Variants in KLRG1 observed in about 807,000 individuals in gnomAD.
KLRG1 encodes killer cell lectin like receptor G1.
A neutral mutation model predicts 21.8 loss-of-function variants in KLRG1; 16 were observed. The ratio of observed to expected loss-of-function variants is 0.73; its 90% CI spans 0.50 to 1.11. The LOEUF is 1.11. Ranked by LOEUF, KLRG1 falls within the 50% of genes most tolerant of loss-of-function variation. The pLI is 0.00. For missense variants in KLRG1, 173 were observed against 218.3 expected (o/e 0.79, Z 1.31); for synonymous variants, 69 against 75.9 (o/e 0.91, Z 0.47).
chr12:9,027,980 C>G, the KLRG1 span: 1 of 1,028,620 alleles, frequency 9.7e-7, no homozygotes, highest in South Asian at 1.3e-5. Flanking sequence ...TGTGGTCATT[C>G]ACAGTATGGT....
chr12:9,050,945 T>C, the KLRG1 span, among the ~76,000 whole-genome samples: 4 of 152,116 alleles, frequency 2.6e-5, no homozygotes, highest in Non-Finnish European at 5.9e-5. Context: ...GAGCCATGAA[T>C]GGTGGCAGGA....
At chr12:9,199,198 T>C in the KLRG1 span, among the ~76,000 whole-genome samples, 3 of 152,218 alleles carry the variant, frequency 2.0e-5, no homozygotes, top group Non-Finnish European at 4.4e-5. Flanking sequence ...TTCATAATCA[T>C]GACATCAGTC....
the KLRG1 span, among the ~76,000 whole-genome samples, chr12:9,116,399 CA>C: frequency 6.6e-6 from 1 of 152,236 alleles, no homozygotes; most frequent in East Asian, 1.9e-4. Flanking sequence ...CGAATTAAAC[CA>C]GTAGCTTTTT....
chr12:9,033,811 C>T, the KLRG1 span, among the ~76,000 whole-genome samples: 1 of 152,182 alleles, frequency 6.6e-6, no homozygotes, highest in African/African-American at 2.4e-5. Context: ...GAGCTCCCCT[C>T]ATCCCAGAAG....
the KLRG1 span, among the ~76,000 whole-genome samples, chr12:9,122,993 A>G: frequency 9.9e-4 from 151 of 152,270 alleles, 2 homozygotes; most frequent in African/African-American, 3.5e-3. Flanking sequence ...AATTTTTTCC[A>G]TGTAATTAAA....
chr12:9,003,936 G>C (rs1332654782), intron 3 of KLRG1, among the ~76,000 whole-genome samples: 1 of 149,800 alleles, frequency 6.7e-6, no homozygotes, highest in Non-Finnish European at 1.5e-5. Flanking sequence ...TCCCATCTAT[G>C]AGTGAGAACA....
chr12:9,152,852 T>C, the KLRG1 span: 1 of 1,614,174 alleles, frequency 6.2e-7, no homozygotes, highest in Non-Finnish European at 8.5e-7. Context: ...TGAAAGCTGG[T>C]GTGGGCTTTG....
At chr12:9,194,760 G>A in the KLRG1 span, among the ~76,000 whole-genome samples, 5 of 152,006 alleles carry the variant, frequency 3.3e-5, no homozygotes, top group Admixed American at 1.3e-4. Flanking sequence ...CACCGTGCCC[G>A]GCCAAAGTCA....
At chr12:8,967,151 C>A (rs1946487540) in intron 1 of KLRG1, among the ~76,000 whole-genome samples, 1 of 125,038 alleles carries the variant, frequency 8.0e-6, no homozygotes, top group Admixed American at 1.1e-4. Context: ...CACATGGACA[C>A]AGGAAGGGGA....
At chr12:9,066,912 C>A in the KLRG1 span, 1 of 152,196 alleles carries the variant, frequency 6.6e-6, no homozygotes, top group Non-Finnish European at 1.5e-5. Flanking sequence ...CTGCTTTAAC[C>A]TTTCCTACTT....
chr12:9,115,757 A>G, the KLRG1 span: 1 of 1,608,328 alleles, frequency 6.2e-7, no homozygotes, highest in South Asian at 1.1e-5. Context: ...CTCTGTGTGG[A>G]ACTCACGGTT....
At chr12:9,149,615 G>T in the KLRG1 span, 35 of 1,611,920 alleles carry the variant, frequency 2.2e-5, no homozygotes, top group Non-Finnish European at 2.7e-5. Context: ...GAAAGATAAC[G>T]TTGGGTGAAG....
the KLRG1 span, chr12:9,098,601 A>T: frequency 1.9e-6 from 3 of 1,592,222 alleles, no homozygotes; most frequent in African/African-American, 4.0e-5. Flanking sequence ...GCTGCCAGGA[A>T]CTCACCGAGG....
At chr12:9,194,526 G>A in the KLRG1 span, among the ~76,000 whole-genome samples, 4 of 144,750 alleles carry the variant, frequency 2.8e-5, no homozygotes, top group Admixed American at 7.1e-5. Flanking sequence ...GTGCAGTGGC[G>A]CGATCTCGGC....
chr12:9,184,819 C>T, the KLRG1 span, among the ~76,000 whole-genome samples: 2 of 152,212 alleles, frequency 1.3e-5, no homozygotes, highest in South Asian at 2.1e-4. Flanking sequence ...TTGCTCCTCC[C>T]TGCCTCCACT....
chr12:9,101,299 G>A, the KLRG1 span: 4 of 1,383,528 alleles, frequency 2.9e-6, no homozygotes, highest in East Asian at 7.5e-5. Flanking sequence ...AGTCCCTGCC[G>A]GCAATAATTC....
At chr12:9,014,263 G>T (rs1947669717), downstream of KLRG1, among the ~76,000 whole-genome samples, 1 of 152,052 alleles carries the variant, frequency 6.6e-6, no homozygotes. Flanking sequence ...GCACAAGAAG[G>T]TTATAGAACA....
chr12:9,027,019 CTT>C, the KLRG1 span, among the ~76,000 whole-genome samples: 1 of 142,086 alleles, frequency 7.0e-6, no homozygotes. Flanking sequence ...CTGTGGCTGG[CTT>C]TTTTTTTTTA....
the KLRG1 span, chr12:9,072,535 C>T: frequency 2.5e-6 from 4 of 1,602,410 alleles, no homozygotes; most frequent in East Asian, 2.2e-5. Context: ...TCCCAGAATT[C>T]CTGTCCACGT....
Sources: allele counts gnomAD v4.1 joint callset (sites outside exome capture counted in the v4.1 genomes callset), GRCh38; gene constraint gnomAD v4.1.1; transcripts MANE v1.5; gene names NCBI Gene and HGNC (gene_info 2026-07-23, HGNC 2026-07-21).